The following KANSL1L variants were observed in gnomAD, a reference collection of about 807,000 sequenced individuals.
The protein encoded by KANSL1L is KAT8 regulatory NSL complex subunit 1-like protein.
In KANSL1L, 25 loss-of-function variants were observed where a neutral mutation model predicts 108.6. That is an observed-to-expected ratio of 0.23 (90% confidence interval 0.17 to 0.32). The LOEUF is 0.32. KANSL1L is among the 10% of genes least tolerant of loss of function. KANSL1L has a pLI of 1.00. For synonymous variants in KANSL1L, 405 were observed against 395.1 expected, an observed-to-expected ratio of 1.03 and a Z score of -0.30; for missense variants, 1,137 against 1,125.7, an observed-to-expected ratio of 1.01 and a Z score of -0.14.
chr2:210,034,373 AAGG>A (rs1406848757), intron 8 of KANSL1L, among the ~76,000 whole-genome samples: 1 of 152,134 alleles, frequency 6.6e-6, no homozygotes, highest in East Asian at 1.9e-4. Flanking sequence ...TAGCTAGGGG[AAGG>A]AGGAGAATAG....
At chr2:210,113,472 C>A (rs1364067359) in intron 3 of KANSL1L, among the ~76,000 whole-genome samples, 1 of 151,700 alleles carries the variant, frequency 6.6e-6, no homozygotes, top group Non-Finnish European at 1.5e-5. Context: ...GGGAAAGAAT[C>A]TGATTTCCAT....
chr2:210,047,286 T>G (rs1433490064), intron 6 of KANSL1L, among the ~76,000 whole-genome samples: 7 of 152,236 alleles, frequency 4.6e-5, no homozygotes, highest in African/African-American at 1.7e-4. Context: ...TCTTTTTGAT[T>G]AACAGTTCCT....
intron 8 of KANSL1L, among the ~76,000 whole-genome samples, chr2:210,034,461 G>A (rs1279155708): frequency 1.3e-5 from 2 of 152,282 alleles, no homozygotes; most frequent in South Asian, 4.1e-4. Flanking sequence ...AGGAAGCATG[G>A]TGAGAAAGAA....
At chr2:210,075,222 T>G (rs1400322222) in intron 6 of KANSL1L, among the ~76,000 whole-genome samples, 1 of 152,154 alleles carries the variant, frequency 6.6e-6, no homozygotes, top group Non-Finnish European at 1.5e-5. Context: ...TGTAGTACAT[T>G]TGTGTTACCC....
intron 1 of KANSL1L, chr2:210,170,293 T>C (rs1407221508): frequency 1.1e-6 from 1 of 904,956 alleles, no homozygotes; most frequent in African/African-American, 1.8e-5. Flanking sequence ...CGCCAGAACA[T>C]GAATGTCCTG....
chr2:210,022,839 T>G lies in KANSL1L; in HGVS notation c.*110A>C. 1.3e-6 allele frequency: 1 copy of G among 742,050 alleles called. No individual in the cohort carries two copies. The highest frequency in any genetic ancestry group is 2.2e-6 in the Non-Finnish European group (1 of 447,392). 46.0% of individuals were successfully genotyped at this position (742,050 alleles called of 1,614,324 possible). On this transcript the variant is annotated 3_prime_UTR_variant, in exon 15 of 15. Coordinates refer to ENST00000281772, the MANE Select transcript of KANSL1L (RefSeq NM_152519.4). ...CTGTTTCATAAACAGCATAAAAGAT[T>G]AATACATGCAGAACATGCTCTTATT...
At chr2:210,040,809 G>A (rs1436260423) in intron 7 of KANSL1L, among the ~76,000 whole-genome samples, 1 of 152,024 alleles carries the variant, frequency 6.6e-6, no homozygotes, top group Non-Finnish European at 1.5e-5. Context: ...TACATAAGAT[G>A]AACAGTAATT....
At chr2:210,024,271 A>G in intron 13 of KANSL1L, 70 bp from the exon 14 acceptor site, 4 of 1,237,002 alleles carry the variant, frequency 3.2e-6, no homozygotes, top group Non-Finnish European at 4.4e-6. Flanking sequence ...TGAACAACCC[A>G]AGGTATCACT....
chr2:210,148,925 T>C (rs1467923659), intron 2 of KANSL1L, among the ~76,000 whole-genome samples: 1 of 152,046 alleles, frequency 6.6e-6, no homozygotes, highest in Non-Finnish European at 1.5e-5. Flanking sequence ...TTAAGGTAAA[T>C]ATAATGCATT....
chr2:210,140,067 A>AT (rs2095214328), intron 2 of KANSL1L, among the ~76,000 whole-genome samples: 1 of 152,104 alleles, frequency 6.6e-6, no homozygotes, highest in East Asian at 1.9e-4. Flanking sequence ...TTTAACTTCC[A>AT]TATGTACTTT....
intron 1 of KANSL1L, among the ~76,000 whole-genome samples, chr2:210,160,787 T>C (rs2095357265): frequency 6.6e-6 from 1 of 152,198 alleles, no homozygotes; most frequent in South Asian, 2.1e-4. Flanking sequence ...ATTTTGCTGA[T>C]ATCTACAAGC....
intron 5 of KANSL1L, among the ~76,000 whole-genome samples, chr2:210,092,319 T>G (rs1345702404): frequency 6.6e-6 from 1 of 152,226 alleles, no homozygotes; most frequent in African/African-American, 2.4e-5. Flanking sequence ...CTATATTCTC[T>G]ACATTTTAAA....
chr2:210,120,591 G>C lies in KANSL1L; in HGVS notation c.1230+8440C>G, dbSNP rs369034449. Among the ~76,000 whole-genome samples, 20 of 152,210 alleles carry C rather than the reference G, an allele frequency of 1.3e-4. 1 individual carries two copies. The highest frequency in any genetic ancestry group is 4.8e-4 in the African/African-American group (20 of 41,530). On this transcript the variant is annotated intron_variant, in intron 3 of 14. Transcript: ENST00000281772. ...CATCCAGGACATAGGCACAGGCAAC[G>C]ATTTCATGACAAAGATGCCAAAAGC...
At chr2:210,157,691 GAA>G (rs56676129) in intron 1 of KANSL1L, among the ~76,000 whole-genome samples, 46 of 47,204 alleles carry the variant, frequency 9.7e-4, no homozygotes, top group African/African-American at 2.5e-3. Flanking sequence ...CACTGTCACA[GAA>G]AAAAAAAAAA....
At chr2:210,065,186 G>A (rs940524030) in intron 6 of KANSL1L, among the ~76,000 whole-genome samples, 2 of 150,522 alleles carry the variant, frequency 1.3e-5, no homozygotes, top group African/African-American at 4.9e-5. Flanking sequence ...TAGCTATTGG[G>A]GAGGCTGAGG....
intron 11 of KANSL1L, 102 bp downstream of exon 11, chr2:210,028,742 TG>T: frequency 1.2e-6 from 1 of 857,442 alleles, no homozygotes; most frequent in Non-Finnish European, 1.8e-6. Flanking sequence ...ATGAAGGAAC[TG>T]GGAGAAGGAT....
At chr2:210,152,095 A>G (rs894152795) in intron 2 of KANSL1L, 1 of 152,010 alleles carries the variant, frequency 6.6e-6, no homozygotes, top group Non-Finnish European at 1.5e-5. Context: ...CCTAGTGCCC[A>G]TTAGTTATTT....
At chr2:210,137,268 A>G (rs2095182111) in intron 2 of KANSL1L, among the ~76,000 whole-genome samples, 1 of 152,200 alleles carries the variant, frequency 6.6e-6, no homozygotes, top group Non-Finnish European at 1.5e-5. Flanking sequence ...CAACTTACTG[A>G]GCTACAGGAG....
chr2:210,060,338 C>T (rs1383425441), intron 6 of KANSL1L, among the ~76,000 whole-genome samples: 34 of 152,098 alleles, frequency 2.2e-4, no homozygotes, highest in Non-Finnish European at 1.5e-5. Flanking sequence ...GATAAAAGAT[C>T]ACAGATGAAC....
Sources: gnomAD v4.1 joint callset for allele counts (sites outside exome capture counted in the v4.1 genomes callset) on GRCh38, gnomAD v4.1.1 for gene constraint, MANE v1.5 for transcripts, NCBI Gene and HGNC (gene_info 2026-07-23, HGNC 2026-07-21) for gene names.